Variants in SLC44A1 observed in about 807,000 individuals in gnomAD.
SLC44A1 encodes the protein choline transporter-like protein 1.
In SLC44A1, 26 loss-of-function variants were observed where a neutral mutation model predicts 79.3. That is an observed-to-expected ratio of 0.33 (90% CI 0.24 to 0.46). The LOEUF (loss-of-function observed/expected upper bound fraction) is 0.46. Ranked by LOEUF, SLC44A1 falls within the 20% of genes least tolerant of loss-of-function variation. The probability of loss-of-function intolerance (pLI) is 1.00; values close to 1 mark genes in which losing one functional copy is unlikely to be tolerated. For missense variants in SLC44A1, 688 were observed against 798.1 expected (o/e 0.86, Z 1.66); for synonymous variants, 263 against 286.2 (o/e 0.92, Z 0.82).
intron 3 of SLC44A1, among the ~76,000 whole-genome samples, chr9:105,327,700 C>T (rs925325765): frequency 6.6e-5 from 10 of 152,164 alleles, no homozygotes; most frequent in African/African-American, 2.2e-4. Context: ...TCTGTTCCTG[C>T]GCTGTTCCTA....
Position 105,396,721 on chromosome 9 carries a change from C to CT in SLC44A1, c.*7678dup, listed in dbSNP as rs546061302. The CT allele has an allele frequency of 0.015, 12,815 of 828,224 alleles. 10 individuals carry two copies. Among genetic ancestry groups the CT allele is most frequent in the South Asian group, 0.037 (663 of 18,112 alleles). The allele number at this position is 828,224 out of a possible 1,614,324, so 51.3% of individuals were successfully genotyped here. A position where few individuals can be genotyped will look rare whatever the true frequency, so the allele number is the denominator to read the frequency against. On this transcript the variant is annotated 3_prime_UTR_variant, in exon 16 of 16. Coordinates refer to ENST00000374720, the MANE Select transcript of SLC44A1 (RefSeq NM_080546.5). ...ATTTCTCAATCTGATGCCTTTTTGT[C>CT]TTTTTTTTTTTTTGCCATTTGCATC...
At chr9:105,305,744 T>G (rs1831011144) in intron 2 of SLC44A1, among the ~76,000 whole-genome samples, 1 of 152,112 alleles carries the variant, frequency 6.6e-6, no homozygotes, top group Admixed American at 6.5e-5. Context: ...TTGTTGACCA[T>G]TTTTTTCAAA....
At chr9:105,317,298 C>T (rs1831354031) in intron 3 of SLC44A1, among the ~76,000 whole-genome samples, 1 of 152,068 alleles carries the variant, frequency 6.6e-6, no homozygotes, top group South Asian at 2.1e-4. Context: ...AGACTCTCAG[C>T]CAGTGACAGG....
At position 105,389,777 on chromosome 9, in the gene SLC44A1, C is replaced by G; in HGVS notation, c.*721C>G. On this transcript the variant is annotated 3_prime_UTR_variant, in exon 16 of 16. Transcript: ENST00000374720. ...TAATCTTTCGTATGCAAACTTTTCC[C>G]TTATATTTTGTCTTTCTTTCCTTTT... The G allele has an allele frequency of 3.0e-6, 4 of 1,320,324 alleles. No homozygotes were observed. The highest frequency in any genetic ancestry group is 3.9e-6 in the Non-Finnish European group (4 of 1,030,010). 81.8% of individuals were successfully genotyped at this position (1,320,324 alleles called of 1,614,324 possible). A position where few individuals can be genotyped will look rare whatever the true frequency, so the allele number is the denominator to read the frequency against.
At chr9:105,316,330 A>C (rs1831324834) in intron 3 of SLC44A1, among the ~76,000 whole-genome samples, 2 of 152,196 alleles carry the variant, frequency 1.3e-5, no homozygotes, top group Non-Finnish European at 2.9e-5. Context: ...GTCAGTAAAA[A>C]TGATGCTGTA....
intron 13 of SLC44A1, among the ~76,000 whole-genome samples, chr9:105,376,524 C>A (rs963150904): frequency 6.6e-6 from 1 of 152,132 alleles, no homozygotes; most frequent in Non-Finnish European, 1.5e-5. Flanking sequence ...CAGGCATGCA[C>A]CACCATGCCC....
At position 105,394,364 on chromosome 9, in the gene SLC44A1, A is replaced by G. The variant is rs1052408830; in HGVS notation, c.*5308A>G. 18 of 985,260 alleles carry G rather than the reference A, an allele frequency of 1.8e-5. No individual in the cohort carries two copies. Among genetic ancestry groups the G allele is most frequent in the Non-Finnish European group, 1.9e-5 (16 of 829,988 alleles). The allele number at this position is 985,260 out of a possible 1,614,324, so 61.0% of individuals were successfully genotyped here. On this transcript the variant is annotated 3_prime_UTR_variant, in exon 16 of 16. Coordinates refer to ENST00000374720, the MANE Select transcript of SLC44A1 (RefSeq NM_080546.5). ...ATCTGAAGGAATAACAAGATGATCA[A>G]CACTGAATCTTCATGACAGTAAGAT...
intron 1 of SLC44A1, among the ~76,000 whole-genome samples, chr9:105,272,593 T>G (rs1387258500): frequency 2.6e-5 from 4 of 152,096 alleles, no homozygotes; most frequent in Non-Finnish European, 5.9e-5. Context: ...CACTATTCTC[T>G]TTACAGGTGA....
rs183307307 is a variant in SLC44A1 at position 105,324,159 on chromosome 9, G to A, written c.270-11404G>A. ...TGGGACTACAGGCGCCCGCCACCAC[G>A]CCCGGCTAATTTTTTGTATGTGTTA... On this transcript the variant is annotated intron_variant, in intron 3 of 15. Transcript: ENST00000374720. Among the ~76,000 whole-genome samples the A allele has an allele frequency of 4.9e-3, 739 of 151,398 alleles. 5 individuals are homozygous for A. Among genetic ancestry groups the A allele is most frequent in the Non-Finnish European group, 8.2e-3 (558 of 67,868 alleles).
rs897846780 is a variant in SLC44A1, at chr9:105,397,326, A to G, written c.*8270A>G. ...ATGTATAGAATTTTTTATGTAATAAATAAAATTTTATAGGAAAGAATGTTA... is the reference window on the plus strand; with the variant it reads ...ATGTATAGAATTTTTTATGTAATAAGTAAAATTTTATAGGAAAGAATGTTA... On this transcript the variant is annotated 3_prime_UTR_variant, in exon 16 of 16. Coordinates refer to ENST00000374720, the MANE Select transcript of SLC44A1 (RefSeq NM_080546.5). 1 of 979,080 alleles carries G rather than the reference A, an allele frequency of 1.0e-6. No individual in the cohort carries two copies. The highest frequency in any genetic ancestry group is 1.2e-6 in the Non-Finnish European group (1 of 824,122). 60.6% of individuals were successfully genotyped at this position (979,080 alleles called of 1,614,324 possible).
At chr9:105,397,762 G>A (rs530971951), downstream of SLC44A1, among the ~76,000 whole-genome samples, 3 of 151,932 alleles carry the variant, frequency 2.0e-5, no homozygotes, top group South Asian at 6.2e-4. Context: ...GGCTAACACG[G>A]TGAAACCCCG....
In SLC44A1 at chr9:105,278,169, C is replaced by T. The variant is rs190699804; in HGVS notation, c.37-21051C>T. ...CTCTGCCTCCCAGGCTCAAGCGATT[C>T]TCCTGCCTCAGCCTCCTGAGTAGGT... On this transcript the variant is annotated intron_variant, in intron 1 of 15. Transcript: ENST00000374720. Among the ~76,000 whole-genome samples, 784 of 152,132 alleles carry T rather than the reference C, an allele frequency of 5.2e-3. 3 individuals carry two copies. Among genetic ancestry groups the T allele is most frequent in the Non-Finnish European group, 8.3e-3 (566 of 67,996 alleles).
chr9:105,321,150 TCA>T (rs1285634372), intron 3 of SLC44A1, among the ~76,000 whole-genome samples: 3 of 152,202 alleles, frequency 2.0e-5, no homozygotes, highest in Non-Finnish European at 4.4e-5. Context: ...TACCCCAAAT[TCA>T]CAATGATTTT....
intron 5 of SLC44A1, among the ~76,000 whole-genome samples, chr9:105,351,590 GAGAA>G (rs1423121189): frequency 8.6e-6 from 1 of 115,950 alleles, no homozygotes; most frequent in Admixed American, 8.5e-5. Flanking sequence ...GAGAGAAAGA[GAGAA>G]AGAGAAAGAA....
intron 1 of SLC44A1, among the ~76,000 whole-genome samples, chr9:105,289,379 G>T (rs1343624304): frequency 2.0e-5 from 3 of 152,180 alleles, no homozygotes; most frequent in Admixed American, 2.0e-4. Flanking sequence ...AAGAATATTT[G>T]AGTGCTTTCT....
rs1209055157 is a variant in SLC44A1, at chr9:105,312,931, CT to C, written c.269+3068del. Among the ~76,000 whole-genome samples the C allele has an allele frequency of 2.0e-5, 3 of 152,142 alleles. No individual in the cohort carries two copies. In the East Asian group the frequency reaches 5.8e-4, roughly 29 times the overall value. On this transcript the variant is annotated intron_variant, in intron 3 of 15. Transcript: ENST00000374720. ...TGTTGTCATTTCCCTCCTCAAGAGC[CT>C]TTCCTTTGGTGGTGTTGTCTATAGC...
At chr9:105,289,376 T>C (rs1189901949) in intron 1 of SLC44A1, among the ~76,000 whole-genome samples, 1 of 152,222 alleles carries the variant, frequency 6.6e-6, no homozygotes, top group Non-Finnish European at 1.5e-5. Context: ...TTGAAGAATA[T>C]TTGAGTGCTT....
rs879762786 is a variant in SLC44A1, at chr9:105,309,734, G to A, written c.137G>A (p.Cys46Tyr). The A allele has an allele frequency of 4.3e-6, 7 of 1,613,546 alleles. No homozygotes were observed. The highest frequency in any genetic ancestry group is 1.7e-5 in the Admixed American group (1 of 59,980). Residue 46 changes from cysteine to tyrosine, a missense_variant, in exon 3 of 16, where the codon TGT becomes TAT. Transcript: ENST00000374720. Reference sequence around the variant, plus strand: ...CTGTTTCTTTCCTAGGGATTTATTTGTGGCTTTTCAATAGCAACAGGTGCA... The same window carrying A: ...CTGTTTCTTTCCTAGGGATTTATTTATGGCTTTTCAATAGCAACAGGTGCA... ...ILFCIGMGFI[C>Y]GFSIATGAAA...
At chr9:105,273,556 TATATC>T (rs1429271199) in intron 1 of SLC44A1, among the ~76,000 whole-genome samples, 2 of 152,208 alleles carry the variant, frequency 1.3e-5, no homozygotes, top group East Asian at 1.9e-4. Flanking sequence ...GCTGGGCTCT[TATATC>T]ATTTCATGGT....
Sources: gnomAD v4.1 joint callset for allele counts (sites outside exome capture counted in the v4.1 genomes callset) on GRCh38, gnomAD v4.1.1 for gene constraint, MANE v1.5 for transcripts, NCBI Gene and HGNC (gene_info 2026-07-23, HGNC 2026-07-21) for gene names.